Variants in PTPN2 observed in about 807,000 individuals in gnomAD.
The protein encoded by PTPN2 is tyrosine-protein phosphatase non-receptor type 2.
PTPN2 carries 19 observed loss-of-function variants against 57.3 expected under a neutral mutation model. That is an observed-to-expected ratio of 0.33 (90% CI 0.23 to 0.49). The LOEUF (loss-of-function observed/expected upper bound fraction) is 0.49. Among genes scored for constraint, PTPN2 ranks in the 20% least tolerant of loss-of-function variants. PTPN2 has a pLI of 0.99. For missense variants in PTPN2, 358 were observed against 501.1 expected (o/e 0.71, Z 2.73); for synonymous variants, 153 against 164.9 (o/e 0.93, Z 0.55).
At chr18:12,806,937 A>G (rs1223447600) in intron 7 of PTPN2, among the ~76,000 whole-genome samples, 1 of 152,208 alleles carries the variant, frequency 6.6e-6, no homozygotes, top group Non-Finnish European at 1.5e-5. Flanking sequence ...GACAAATGGG[A>G]TTACATCAAA....
rs73404466 is a variant in PTPN2 at position 12,844,723 on chromosome 18, G to A, written c.161-7832C>T. On this transcript the variant is annotated intron_variant, in intron 2 of 8. Transcript: ENST00000309660. ...CTCATCTTTTTGTCCTCTTAACAGG[G>A]TGTTTTGAGGAGCAGAAGTTTTTTA... Among the ~76,000 whole-genome samples, 1,070 of 152,226 alleles carry A rather than the reference G, an allele frequency of 7.0e-3. 19 individuals are homozygous for A. Among genetic ancestry groups the A allele is most frequent in the African/African-American group, 0.025 (1,040 of 41,544 alleles).
At chr18:12,809,647 G>C (rs2041821842) in intron 7 of PTPN2, among the ~76,000 whole-genome samples, 1 of 152,140 alleles carries the variant, frequency 6.6e-6, no homozygotes, top group Non-Finnish European at 1.5e-5. Context: ...TAATAAATAA[G>C]GAATACTCTA....
chr18:12,828,619 T>C (rs1171875557), intron 4 of PTPN2, among the ~76,000 whole-genome samples: 2 of 152,204 alleles, frequency 1.3e-5, no homozygotes, highest in Non-Finnish European at 1.5e-5. Flanking sequence ...TGGAAGGGGC[T>C]AAGCAACACT....
Position 12,867,092 on chromosome 18 carries a change from A to G in PTPN2, c.70-7838T>C, listed in dbSNP as rs371717632. Among the ~76,000 whole-genome samples, 63 of 152,234 alleles carry G rather than the reference A, an allele frequency of 4.1e-4. No homozygotes were observed. In the South Asian group the frequency reaches 0.012, roughly 30 times the overall value. On this transcript the variant is annotated intron_variant, in intron 1 of 8. Coordinates refer to ENST00000309660, the MANE Select transcript of PTPN2 (RefSeq NM_002828.4). ...AGGATCATTTGAGGCCAGGAGTTCAAGACCAGCCTGGGCAACATGGTGAAA... is the reference window on the plus strand; with the variant it reads ...AGGATCATTTGAGGCCAGGAGTTCAGGACCAGCCTGGGCAACATGGTGAAA...
downstream of PTPN2, among the ~76,000 whole-genome samples, chr18:12,790,605 TAC>T (rs1317996212): frequency 6.6e-6 from 1 of 152,102 alleles, no homozygotes; most frequent in South Asian, 2.1e-4. Flanking sequence ...AAAGAAAAAA[TAC>T]AGTGTCTGGC....
At chr18:12,859,342 G>A in intron 1 of PTPN2, 88 bp from the exon 2 acceptor site, 4 of 866,126 alleles carry the variant, frequency 4.6e-6, no homozygotes, top group Non-Finnish European at 5.5e-6. Context: ...ATAACATGAA[G>A]CACTTATGAT....
intron 1 of PTPN2, among the ~76,000 whole-genome samples, chr18:12,870,427 G>GTA (rs201222736): frequency 3.1e-4 from 11 of 34,980 alleles, no homozygotes; most frequent in Admixed American, 4.1e-4. Flanking sequence ...ATATATATAC[G>GTA]TATATATATA....
chr18:12,786,044 G>A (rs1204684266), intron 9 of PTPN2: 2 of 562,326 alleles, frequency 3.6e-6, no homozygotes, highest in Non-Finnish European at 6.2e-6. Context: ...ATTTCCAAAC[G>A]ATGGTGGTGT....
At chr18:12,876,316 A>AGAAGAAGAAGAAGAAGAAGAAG (rs1568177300) in intron 1 of PTPN2, among the ~76,000 whole-genome samples, 2 of 149,218 alleles carry the variant, frequency 1.3e-5, no homozygotes, top group Admixed American at 6.6e-5. Flanking sequence ...AAGAAGAAGA[A>AGAAGAAGAAGAAGAAGAAGAAG]ATTTGTCAGG....
intron 3 of PTPN2, among the ~76,000 whole-genome samples, chr18:12,835,787 G>C (rs746357397): frequency 1.3e-5 from 2 of 152,148 alleles, no homozygotes; most frequent in Non-Finnish European, 2.9e-5. Context: ...TTTTCTGACA[G>C]GTGAAAGGCC....
chr18:12,819,194 A>G (rs2042186692), intron 5 of PTPN2: 7 of 1,207,844 alleles, frequency 5.8e-6, no homozygotes, highest in Non-Finnish European at 8.0e-6. Context: ...AGTGAAATAA[A>G]TTTTCTAAAA....
chr18:12,854,558 G>A (rs1270592100), intron 2 of PTPN2, among the ~76,000 whole-genome samples: 1 of 152,102 alleles, frequency 6.6e-6, no homozygotes, highest in African/African-American at 2.4e-5. Context: ...AGTGTGTCAG[G>A]GAGGAACACT....
intron 2 of PTPN2, among the ~76,000 whole-genome samples, chr18:12,855,624 A>G (rs482908): frequency 1 from 152,201 of 152,278 alleles, 76,062 homozygotes; most frequent in Non-Finnish European, 1. Flanking sequence ...TCTGAGAGAT[A>G]ATTTACTCGG....
chr18:12,875,614 TAG>T (rs2044462180), intron 1 of PTPN2, among the ~76,000 whole-genome samples: 1 of 152,194 alleles, frequency 6.6e-6, no homozygotes, highest in Admixed American at 6.5e-5. Context: ...AGTTAAGGAA[TAG>T]AGAGTAGAGA....
intron 8 of PTPN2, among the ~76,000 whole-genome samples, chr18:12,801,262 C>T (rs1254517827): frequency 2.0e-5 from 3 of 152,192 alleles, no homozygotes; most frequent in African/African-American, 2.4e-5. Flanking sequence ...CCTGTAATCC[C>T]AGCACTTTGG....
intron 1 of PTPN2, among the ~76,000 whole-genome samples, chr18:12,879,581 T>C (rs560405419): frequency 6.6e-6 from 1 of 152,298 alleles, no homozygotes; most frequent in East Asian, 1.9e-4. Context: ...AAATATAAAC[T>C]CAGATTAACA....
chr18:12,789,089 G>A (rs2040916872), downstream of PTPN2, among the ~76,000 whole-genome samples: 1 of 152,148 alleles, frequency 6.6e-6, no homozygotes, highest in Non-Finnish European at 1.5e-5. Context: ...AGGGATTGAG[G>A]AGTCCACACA....
At chr18:12,830,785 A>G (rs2042640744) in intron 4 of PTPN2, among the ~76,000 whole-genome samples, 158 bp downstream of exon 4, 1 of 152,192 alleles carries the variant, frequency 6.6e-6, no homozygotes, top group South Asian at 2.1e-4. Context: ...AGAAAGGAAA[A>G]GGATACATGA....
At chr18:12,807,823 G>T (rs1417764400) in intron 7 of PTPN2, among the ~76,000 whole-genome samples, 1 of 151,708 alleles carries the variant, frequency 6.6e-6, no homozygotes, top group African/African-American at 2.4e-5. Flanking sequence ...GTGAGAAACT[G>T]AACAACAGTT....
Sources: allele counts gnomAD v4.1 joint callset (sites outside exome capture counted in the v4.1 genomes callset), GRCh38; gene constraint gnomAD v4.1.1; transcripts MANE v1.5; gene names NCBI Gene and HGNC (gene_info 2026-07-23, HGNC 2026-07-21).